Variants in GNAL observed in about 807,000 individuals in gnomAD.
The protein encoded by GNAL is guanine nucleotide-binding protein G(olf) subunit alpha.
GNAL carries 18 observed loss-of-function variants against 55.1 expected under a neutral mutation model. That is an observed-to-expected ratio of 0.33 (90% CI 0.23 to 0.48). GNAL has a LOEUF of 0.48. Ranked by LOEUF, GNAL falls within the 20% of genes least tolerant of loss-of-function variation. The pLI is 0.99. For missense variants in GNAL, 412 were observed against 614.1 expected (o/e 0.67, Z 3.48); for synonymous variants, 253 against 237.0 (o/e 1.07, Z -0.62).
intron 4 of GNAL, among the ~76,000 whole-genome samples, chr18:11,769,896 G>A (rs141006117): frequency 5.3e-5 from 8 of 152,160 alleles, no homozygotes; most frequent in South Asian, 2.1e-4. Flanking sequence ...CACAAAATAC[G>A]TAAATGATGA....
At chr18:11,813,240 G>A (rs2034864963) in intron 4 of GNAL, among the ~76,000 whole-genome samples, 1 of 110,260 alleles carries the variant, frequency 9.1e-6, no homozygotes, top group African/African-American at 3.8e-5. Flanking sequence ...TGGCGACAGG[G>A]TGAGACTCCA....
chr18:11,727,210 C>T (rs1309961271), intron 1 of GNAL, among the ~76,000 whole-genome samples: 2 of 152,182 alleles, frequency 1.3e-5, no homozygotes, highest in Non-Finnish European at 2.9e-5. Context: ...AGCTTCCCTG[C>T]GCACCCTCTC....
intron 1 of GNAL, among the ~76,000 whole-genome samples, chr18:11,706,539 T>C (rs1309495653): frequency 6.6e-6 from 1 of 152,204 alleles, no homozygotes; most frequent in African/African-American, 2.4e-5. Context: ...ATGAAAGATT[T>C]ATCTGCAGCA....
Position 11,882,082 on chromosome 18 carries a change from T to A in GNAL, c.*947T>A, listed in dbSNP as rs995197676. 5 of 152,174 alleles carry A rather than the reference T, an allele frequency of 3.3e-5. No homozygotes were observed. Among genetic ancestry groups the A allele is most frequent in the Non-Finnish European group, 7.4e-5 (5 of 68,026 alleles). The allele number at this position is 152,174 out of a possible 1,614,324, so 9.4% of individuals were successfully genotyped here. A position where few individuals can be genotyped will look rare whatever the true frequency, so the allele number is the denominator to read the frequency against. ...GCACTTTATAAAATACTCCCTGATT[T>A]AAAAAATTGTAAGTTATACACGTTA... On this transcript the variant is annotated 3_prime_UTR_variant, in exon 12 of 12. Transcript: ENST00000334049.
intron 4 of GNAL, among the ~76,000 whole-genome samples, chr18:11,800,859 A>T (rs1323933022): frequency 6.6e-6 from 1 of 152,214 alleles, no homozygotes; most frequent in African/African-American, 2.4e-5. Context: ...ATGCCAGAAA[A>T]GTTGCTTTCT....
At chr18:11,768,933 A>G (rs1179422215) in intron 4 of GNAL, among the ~76,000 whole-genome samples, 1 of 131,750 alleles carries the variant, frequency 7.6e-6, no homozygotes, top group African/African-American at 2.8e-5. Flanking sequence ...ATTATTATAT[A>G]TATTATATAT....
intron 2 of GNAL, among the ~76,000 whole-genome samples, chr18:11,753,203 C>T (rs2032919393): frequency 7.0e-6 from 1 of 143,436 alleles, no homozygotes; most frequent in Non-Finnish European, 1.5e-5. Flanking sequence ...CACACTTAAC[C>T]AATATCTCGA....
At chr18:11,773,095 G>T (rs2033681486) in intron 4 of GNAL, among the ~76,000 whole-genome samples, 1 of 152,168 alleles carries the variant, frequency 6.6e-6, no homozygotes. Context: ...CATCTCTACT[G>T]GGAGCCTTCC....
intron 11 of GNAL, among the ~76,000 whole-genome samples, chr18:11,877,787 T>C (rs992579604): frequency 8.5e-5 from 13 of 152,300 alleles, no homozygotes; most frequent in Non-Finnish European, 1.5e-4. Flanking sequence ...CCCTGTGGGA[T>C]GACTCTTGAA....
At position 11,862,534 on chromosome 18, in the gene GNAL, T is replaced by A. The variant is rs2036170376; in HGVS notation, c.777+85T>A. 5 of 1,190,990 alleles carry A rather than the reference T, an allele frequency of 4.2e-6. No homozygotes were observed. The Admixed American group carries it at 7.1e-5, about 17-fold the overall frequency. 73.8% of individuals were successfully genotyped at this position (1,190,990 alleles called of 1,614,324 possible). ...GATTTAATGATTATTTCAGAATGAA[T>A]TAAGGAAAAATCCTTAAGATACCTA... On this transcript the variant is annotated intron_variant, in intron 6 of 11. Transcript: ENST00000334049.
intron 4 of GNAL, among the ~76,000 whole-genome samples, chr18:11,799,138 C>G (rs910563627): frequency 2.7e-5 from 4 of 150,918 alleles, no homozygotes; most frequent in Non-Finnish European, 5.9e-5. Context: ...GTTAAATGAA[C>G]ACACCTTTTA....
chr18:11,875,078 G>A (rs1311793680), intron 10 of GNAL, among the ~76,000 whole-genome samples: 1 of 152,208 alleles, frequency 6.6e-6, no homozygotes, highest in East Asian at 1.9e-4. Flanking sequence ...AAGGCCTAGA[G>A]CTAGAGGGTC....
chr18:11,847,749 G>A (rs1244289907), intron 5 of GNAL, among the ~76,000 whole-genome samples: 3 of 152,050 alleles, frequency 2.0e-5, no homozygotes, highest in Admixed American at 2.0e-4. Flanking sequence ...TTTCACATCT[G>A]TATTGGGTCC....
chr18:11,852,704 A>C (rs2035908802), intron 5 of GNAL: 1 of 166,070 alleles, frequency 6.0e-6, no homozygotes, highest in Non-Finnish European at 1.5e-5. Flanking sequence ...ATTTATACTG[A>C]AATTACCTTA....
At chr18:11,743,938 T>C (rs1403384490) in intron 1 of GNAL, among the ~76,000 whole-genome samples, 1 of 152,250 alleles carries the variant, frequency 6.6e-6, no homozygotes, top group East Asian at 1.9e-4. Flanking sequence ...TCTTCGGGGA[T>C]ATTTTTGAAT....
chr18:11,878,106 G>A (rs1416778827), intron 11 of GNAL, among the ~76,000 whole-genome samples: 1 of 152,150 alleles, frequency 6.6e-6, no homozygotes, highest in Non-Finnish European at 1.5e-5. Context: ...CTGTTCTAAT[G>A]AGAACTAAAT....
At chr18:11,833,238 G>T (rs2035426911) in intron 5 of GNAL, among the ~76,000 whole-genome samples, 1 of 151,840 alleles carries the variant, frequency 6.6e-6, no homozygotes, top group Non-Finnish European at 1.5e-5. Flanking sequence ...CACAATATTG[G>T]CCAGGCTGGT....
chr18:11,867,225 C>G lies in GNAL; in HGVS notation c.909C>G (p.Asn303Lys). Residue 303 changes from asparagine to lysine, a missense_variant and splice_region_variant, in exon 8 of 12, where the codon AAC becomes AAG. Around this residue, in one of 5 missense-constraint regions of GNAL, gnomAD observed 53 missense variants for 182.7 expected, o/e 0.29. Transcript: ENST00000334049. Reference protein sequence around the residue: ...DERRKWIQCFNDVTAIIYVAA... With the variant: ...DERRKWIQCFKDVTAIIYVAA... ...GGAGAAAATGGATCCAGTGCTTTAA[C>G]GGTGATTTTTTTATGCTCTCTCAAG... 6.3e-7 allele frequency: 1 copy of G among 1,594,352 alleles called. No individual in the cohort carries two copies. Among genetic ancestry groups the G allele is most frequent in the Non-Finnish European group, 8.6e-7 (1 of 1,162,152 alleles).
At chr18:11,852,248 C>A (rs1245046737) in intron 5 of GNAL, 1 of 1,019,762 alleles carries the variant, frequency 9.8e-7, no homozygotes, top group South Asian at 1.8e-5. Context: ...GGTTTACAGC[C>A]CCCTCCACAT....
Sources: allele counts gnomAD v4.1 joint callset (sites outside exome capture counted in the v4.1 genomes callset), GRCh38; gene constraint gnomAD v4.1.1; regional missense constraint gnomAD v4.1.1; transcripts MANE v1.5; gene names NCBI Gene and HGNC (gene_info 2026-07-23, HGNC 2026-07-21).